Variants in SLC39A10 observed in about 807,000 individuals in gnomAD.
The protein encoded by SLC39A10 is zinc transporter ZIP10.
A neutral mutation model predicts 65.1 loss-of-function variants in SLC39A10; 13 were observed. The observed-to-expected ratio is 0.20, with a 90% CI of 0.13 to 0.32. The LOEUF (loss-of-function observed/expected upper bound fraction) is 0.32, where lower values mean the gene tolerates loss of function less well. Among genes scored for constraint, SLC39A10 ranks in the 10% least tolerant of loss-of-function variants. The pLI, the probability that SLC39A10 is intolerant of heterozygous loss-of-function variation, is 1.00. For synonymous variants in SLC39A10, 321 were observed against 342.2 expected, an observed-to-expected ratio of 0.94 and a Z score of 0.68; for missense variants, 831 against 1,018.4, an observed-to-expected ratio of 0.82 and a Z score of 2.50.
intron 3 of SLC39A10, among the ~76,000 whole-genome samples, chr2:195,695,113 AT>A (rs1451390990): frequency 1.4e-4 from 22 of 152,180 alleles, no homozygotes; most frequent in Middle Eastern, 3.4e-3. Flanking sequence ...CCCAGTGCGC[AT>A]TCCTCTCAGT....
chr2:195,717,130 G>A, intron 7 of SLC39A10, 125 bp downstream of exon 7: 1 of 1,336,386 alleles, frequency 7.5e-7, no homozygotes, highest in Non-Finnish European at 1.0e-6. Context: ...TTTCCCAAAG[G>A]CTACAGTTTT....
Position 195,735,827 on chromosome 2 carries a change from G to A in SLC39A10, c.*786G>A, listed in dbSNP as rs1393562367. On this transcript the variant is annotated 3_prime_UTR_variant, in exon 10 of 10. Transcript: ENST00000359634. ...TTGATTTTTTTTTTTTTTTTTTGGC[G>A]GGGGTAGGTGAGGGTTTGGAGCATG... 16 of 127,930 alleles carry A rather than the reference G, an allele frequency of 1.3e-4. No homozygotes were observed. The highest frequency in any genetic ancestry group is 1.8e-4 in the African/African-American group (6 of 32,602). 7.9% of individuals were successfully genotyped at this position (127,930 alleles called of 1,614,324 possible).
At chr2:195,706,581 TATACTA>T (rs1288192553) in intron 3 of SLC39A10, 29 bp from the exon 4 acceptor site, 2 of 1,581,130 alleles carry the variant, frequency 1.3e-6, no homozygotes, top group Non-Finnish European at 1.7e-6. Flanking sequence ...TTTAAATTGT[TATACTA>T]ATGTTGACTC....
At chr2:195,733,219 A>G (rs74454539) in intron 9 of SLC39A10, among the ~76,000 whole-genome samples, 1 of 152,316 alleles carries the variant, frequency 6.6e-6, no homozygotes, top group East Asian at 1.9e-4. Context: ...TCACCAAGAT[A>G]CTGTTTTGGA....
At chr2:195,715,440 C>T (rs1691758986) in intron 6 of SLC39A10, among the ~76,000 whole-genome samples, 2 of 148,860 alleles carry the variant, frequency 1.3e-5, no homozygotes, top group Admixed American at 6.8e-5. Context: ...GCAAGAGAAT[C>T]GCTTGAACTT....
At chr2:195,677,955 C>T (rs1690159251) in intron 1 of SLC39A10, among the ~76,000 whole-genome samples, 2 of 152,092 alleles carry the variant, frequency 1.3e-5, no homozygotes, top group African/African-American at 2.4e-5. Context: ...ACCATGTTTG[C>T]TAGGCCTGTC....
intron 3 of SLC39A10, among the ~76,000 whole-genome samples, chr2:195,705,605 T>A (rs1046748689): frequency 6.6e-6 from 1 of 150,600 alleles, no homozygotes; most frequent in African/African-American, 2.5e-5. Context: ...TATCACAGAC[T>A]TAATATAAAG....
chr2:195,648,266 G>A (rs1688964910), intron 2 of SLC39A10, among the ~76,000 whole-genome samples: 1 of 152,146 alleles, frequency 6.6e-6, no homozygotes, highest in Non-Finnish European at 1.5e-5. Flanking sequence ...CGCCTATGCT[G>A]GAATTATAGG....
At chr2:195,688,161 A>C (rs752323441) in intron 3 of SLC39A10, among the ~76,000 whole-genome samples, 1 of 152,176 alleles carries the variant, frequency 6.6e-6, no homozygotes, top group African/African-American at 2.4e-5. Flanking sequence ...TATAAAGAAA[A>C]CATTTATTAG....
chr2:195,683,795 T>C lies in SLC39A10; in HGVS notation c.1105T>C (p.Tyr369His), dbSNP rs371848067. 2.5e-6 allele frequency: 4 copies of C among 1,613,428 alleles called. No individual in the cohort carries two copies. Among genetic ancestry groups the C allele is most frequent in the Non-Finnish European group, 3.4e-6 (4 of 1,179,460 alleles). ...TACATACCTTTGCCCTGCATTGTTA[T>C]ATCAAATCGACAGCAGACTTTGTAT... ...LFTYLCPALL[Y>H]QIDSRLCIEH... is the part of the protein sequence containing the mutation. The change falls in exon 3 of 10, where the codon TAT (tyrosine) becomes CAT (histidine). Residue 369 changes from tyrosine (Y) to histidine (H), a missense_variant. Transcript: ENST00000359634.
intron 3 of SLC39A10, among the ~76,000 whole-genome samples, chr2:195,691,949 G>T (rs1384157675): frequency 1.3e-5 from 2 of 152,188 alleles, no homozygotes; most frequent in Admixed American, 1.3e-4. Flanking sequence ...CTAAGCCAAT[G>T]TCTAGAAGGG....
At chr2:195,678,688 G>T (rs551634315) in intron 1 of SLC39A10, among the ~76,000 whole-genome samples, 4 of 151,354 alleles carry the variant, frequency 2.6e-5, no homozygotes, top group East Asian at 3.9e-4. Context: ...CAAGATCTGC[G>T]CTTTCCAGTA....
intron 8 of SLC39A10, among the ~76,000 whole-genome samples, chr2:195,721,631 T>G (rs1384239977): frequency 1.3e-5 from 2 of 152,200 alleles, no homozygotes; most frequent in East Asian, 3.8e-4. Context: ...ATACTGCTGT[T>G]GGTCTATCAC....
chr2:195,674,663 T>C (rs1690011421), intron 1 of SLC39A10: 1 of 983,732 alleles, frequency 1.0e-6, no homozygotes, highest in Non-Finnish European at 1.2e-6. Context: ...TACAGTCATA[T>C]GCATTGCTTA....
chr2:195,667,390 A>C (rs931145747), intron 1 of SLC39A10, among the ~76,000 whole-genome samples: 1 of 152,204 alleles, frequency 6.6e-6, no homozygotes, highest in Non-Finnish European at 1.5e-5. Flanking sequence ...AGAATATTCT[A>C]ATGTCAGTGA....
At chr2:195,635,433 C>G (rs1042324003) in intron 2 of SLC39A10, among the ~76,000 whole-genome samples, 2 of 152,176 alleles carry the variant, frequency 1.3e-5, no homozygotes, top group Non-Finnish European at 2.9e-5. Context: ...ATCATTTACC[C>G]TAATAATGCT....
intron 4 of SLC39A10, among the ~76,000 whole-genome samples, chr2:195,707,158 G>A (rs138537629): frequency 1.7e-3 from 257 of 152,300 alleles, no homozygotes; most frequent in Admixed American, 3.1e-3. Flanking sequence ...TTGAGCGGGA[G>A]TAGGCAGATA....
chr2:195,734,145 TCTTC>T (rs1692511043), intron 9 of SLC39A10, among the ~76,000 whole-genome samples: 1 of 136,512 alleles, frequency 7.3e-6, no homozygotes, highest in Non-Finnish European at 1.6e-5. Flanking sequence ...CCCAAAAGAA[TCTTC>T]CTTTTTTTTT....
At chr2:195,669,016 A>G (rs1453949042) in intron 1 of SLC39A10, among the ~76,000 whole-genome samples, 1 of 151,184 alleles carries the variant, frequency 6.6e-6, no homozygotes, top group African/African-American at 2.4e-5. Flanking sequence ...CAAAGGTTGC[A>G]GTGAGCCGAG....
Sources: gnomAD v4.1 joint callset for allele counts (sites outside exome capture counted in the v4.1 genomes callset) on GRCh38, gnomAD v4.1.1 for gene constraint, MANE v1.5 for transcripts, NCBI Gene and HGNC (gene_info 2026-07-23, HGNC 2026-07-21) for gene names.